PHF24: variants seen among roughly 807,000 people sequenced by gnomAD.
PHF24 encodes the protein Galpha inhibitory interacting protein.
PHF24 carries 25 observed loss-of-function variants against 42.6 expected under a neutral mutation model. The observed-to-expected ratio is 0.59, with a 90% CI of 0.43 to 0.82. The LOEUF is 0.82. Among genes scored for constraint, PHF24 ranks in the 40% least tolerant of loss-of-function variants. PHF24 has a pLI of 0.00. For synonymous variants in PHF24, 185 were observed against 204.8 expected (o/e 0.90, Z 0.83); for missense variants, 470 against 538.1 (o/e 0.87, Z 1.25).
chr9:34,766,083 T>G, the PHF24 span, among the ~76,000 whole-genome samples: 1 of 152,216 alleles, frequency 6.6e-6, no homozygotes, highest in Non-Finnish European at 1.5e-5. Flanking sequence ...GTTAGTCTGA[T>G]GGGCTTCCCT....
chr9:34,948,060 G>A, the PHF24 span, among the ~76,000 whole-genome samples: 4 of 149,460 alleles, frequency 2.7e-5, no homozygotes, highest in South Asian at 6.3e-4. Context: ...AGTGAGCCGA[G>A]ATCGCACCAC....
the PHF24 span, among the ~76,000 whole-genome samples, chr9:34,948,322 TGTA>T: frequency 6.6e-6 from 1 of 152,100 alleles, no homozygotes; most frequent in African/African-American, 2.4e-5. Flanking sequence ...ACATTAAAAA[TGTA>T]GTATAGCCTA....
the PHF24 span, chr9:34,917,332 G>A: frequency 2.3e-6 from 2 of 865,966 alleles, no homozygotes; most frequent in East Asian, 2.4e-5. Flanking sequence ...GAGCCCAAGT[G>A]TGTGGAAGAG....
At chr9:34,950,202 G>T in the PHF24 span, among the ~76,000 whole-genome samples, 1 of 151,824 alleles carries the variant, frequency 6.6e-6, no homozygotes, top group Non-Finnish European at 1.5e-5. Context: ...ACAAAAATTA[G>T]CTGGGCATGG....
At chr9:34,665,983 G>A in the PHF24 span, 141 of 438,424 alleles carry the variant, frequency 3.2e-4, 2 homozygotes, top group Non-Finnish European at 4.8e-4. Context: ...GTCACCTGGA[G>A]GGGGGGCTGA....
chr9:34,861,460 G>C, the PHF24 span, among the ~76,000 whole-genome samples: 8 of 152,182 alleles, frequency 5.3e-5, no homozygotes, highest in African/African-American at 1.4e-4. Flanking sequence ...ATAAGAGGCA[G>C]AGGCACAGGA....
chr9:34,828,985 G>T, the PHF24 span, among the ~76,000 whole-genome samples: 1 of 127,606 alleles, frequency 7.8e-6, no homozygotes, highest in African/African-American at 2.9e-5. Flanking sequence ...CCTCCCTGAG[G>T]ACTATCAGGC....
At chr9:34,971,374 G>A (rs1243897511) in exon 2 of PHF24, 1 of 1,614,188 alleles carries the variant, frequency 6.2e-7, no homozygotes, top group African/African-American at 1.3e-5. Flanking sequence ...TGCTTTCAAG[G>A]ATGGGCTGCG....
the PHF24 span, among the ~76,000 whole-genome samples, chr9:34,927,468 C>T: frequency 6.6e-6 from 1 of 152,164 alleles, no homozygotes; most frequent in Non-Finnish European, 1.5e-5. Context: ...GCACACCTTG[C>T]TCTCCTAATC....
At chr9:34,810,873 G>A in the PHF24 span, among the ~76,000 whole-genome samples, 1 of 152,174 alleles carries the variant, frequency 6.6e-6, no homozygotes, top group East Asian at 1.9e-4. Context: ...AGGGCCCCAA[G>A]CGGGGGACGA....
chr9:34,837,721 A>G, the PHF24 span: 1 of 1,468,286 alleles, frequency 6.8e-7, no homozygotes, highest in Non-Finnish European at 9.3e-7. Flanking sequence ...AAAACATTAG[A>G]ATGTGAAGCT....
At chr9:34,919,295 T>C in the PHF24 span, among the ~76,000 whole-genome samples, 1 of 152,232 alleles carries the variant, frequency 6.6e-6, no homozygotes, top group Non-Finnish European at 1.5e-5. Context: ...TATCATTTCC[T>C]TGTATTGGGA....
At chr9:34,804,031 C>T in the PHF24 span, among the ~76,000 whole-genome samples, 83 of 152,300 alleles carry the variant, frequency 5.4e-4, no homozygotes, top group African/African-American at 1.9e-3. Flanking sequence ...TGTTCTTAGT[C>T]TCCCAGCTTG....
At chr9:34,745,388 G>T in the PHF24 span, among the ~76,000 whole-genome samples, 1 of 152,166 alleles carries the variant, frequency 6.6e-6, no homozygotes, top group East Asian at 1.9e-4. Context: ...TCACTGGAGT[G>T]TGAGAAGTAG....
the PHF24 span, chr9:34,724,769 G>T: frequency 5.2e-6 from 8 of 1,551,586 alleles, no homozygotes; most frequent in African/African-American, 1.1e-4. Flanking sequence ...CTGAATCAGA[G>T]GCTCTGCTGG....
chr9:34,894,113 C>A, the PHF24 span, among the ~76,000 whole-genome samples: 32 of 152,138 alleles, frequency 2.1e-4, no homozygotes, highest in African/African-American at 7.7e-4. Flanking sequence ...GACTTCTTTA[C>A]GCAAAATCCA....
At chr9:34,947,834 C>A in the PHF24 span, among the ~76,000 whole-genome samples, 1 of 152,022 alleles carries the variant, frequency 6.6e-6, no homozygotes, top group East Asian at 1.9e-4. Flanking sequence ...GTTGGCTGGG[C>A]GCGGTGGCTC....
the PHF24 span, among the ~76,000 whole-genome samples, chr9:34,695,543 A>G: frequency 6.6e-6 from 1 of 152,234 alleles, no homozygotes; most frequent in African/African-American, 2.4e-5. Context: ...TCAGAAGCAT[A>G]GGCCACACTC....
At position 34,977,526 on chromosome 9, in the gene PHF24, C is replaced by A; in HGVS notation, c.1011-20C>A. 1 of 1,595,320 alleles carries A rather than the reference C, an allele frequency of 6.3e-7. No homozygotes were observed. Among genetic ancestry groups the A allele is most frequent in the Non-Finnish European group, 8.5e-7 (1 of 1,169,616 alleles). Reference sequence around the variant, plus strand: ...CATTTCACTATCCCACTCCTAACCACGTGTCCTCATGCCCAGCAGCATCAG... The same window carrying A: ...CATTTCACTATCCCACTCCTAACCAAGTGTCCTCATGCCCAGCAGCATCAG... On this transcript the variant is annotated intron_variant, in intron 6 of 7. Coordinates refer to ENST00000242315, the Ensembl canonical transcript of PHF24.
Sources: gnomAD v4.1 joint callset for allele counts (sites outside exome capture counted in the v4.1 genomes callset) on GRCh38, gnomAD v4.1.1 for gene constraint, MANE v1.5 for transcripts, NCBI Gene and HGNC (gene_info 2026-07-23, HGNC 2026-07-21) for gene names.